ABCA13: variants seen among roughly 807,000 people sequenced by gnomAD.
The protein encoded by ABCA13 is ATP-binding cassette sub-family A member 13.
In ABCA13, 476 loss-of-function variants were observed where a neutral mutation model predicts 478.7. The ratio of observed to expected loss-of-function variants is 0.99; its 90% CI spans 0.92 to 1.07. The LOEUF (loss-of-function observed/expected upper bound fraction) is 1.07, where lower values mean the gene tolerates loss of function less well. Ranked by LOEUF, ABCA13 falls within the 50% of genes least tolerant of loss-of-function variation. The pLI is 0.00. For missense variants in ABCA13, 6,060 were observed against 5,910.6 expected, an observed-to-expected ratio of 1.03 and a Z score of -0.83; for synonymous variants, 2,252 against 2,158.9, an observed-to-expected ratio of 1.04 and a Z score of -1.20.
chr7:48,335,782 C>T lies in ABCA13; in HGVS notation c.10113+247C>T, dbSNP rs560858553. 7.2e-5 allele frequency among the ~76,000 whole-genome samples: 11 copies of T among 152,226 alleles called. 1 individual carries two copies. The South Asian group carries it at 2.3e-3, about 32-fold the overall frequency. On this transcript the variant is annotated intron_variant, in intron 28 of 61. Coordinates refer to ENST00000435803, the MANE Select transcript of ABCA13 (RefSeq NM_152701.5). ...TTAATAGTAACTTTTTCTTTAAATT[C>T]TTTATTAAGCTTAATGCTTTTTAGA...
At chr7:48,382,814 A>G (rs2129045753) in intron 35 of ABCA13, among the ~76,000 whole-genome samples, 1 of 151,626 alleles carries the variant, frequency 6.6e-6, no homozygotes, top group Non-Finnish European at 1.5e-5. Context: ...AAGAAGGCGC[A>G]GTCTCTGCCT....
In ABCA13 at chr7:48,577,894, T is replaced by C. The variant is rs561426759; in HGVS notation, c.14355-2330T>C. 9.2e-5 allele frequency among the ~76,000 whole-genome samples: 14 copies of C among 152,264 alleles called. No individual in the cohort carries two copies. The East Asian group carries it at 9.6e-4, about 10-fold the overall frequency. ...ATATACTATGACAAAGAAGGACTTATTCCAGATAGGCAAGGTTCGTTCAAT... is the reference window on the plus strand; with the variant it reads ...ATATACTATGACAAAGAAGGACTTACTCCAGATAGGCAAGGTTCGTTCAAT... On this transcript the variant is annotated intron_variant, in intron 55 of 61. Coordinates refer to ENST00000435803, the MANE Select transcript of ABCA13 (RefSeq NM_152701.5).
chr7:48,356,373 CT>C (rs1483050534), intron 31 of ABCA13, among the ~76,000 whole-genome samples: 1 of 150,154 alleles, frequency 6.7e-6, no homozygotes, highest in Non-Finnish European at 1.5e-5. Flanking sequence ...TCTTCTTCTT[CT>C]TTTGGAAGAA....
At chr7:48,516,688 C>G in intron 51 of ABCA13, 37 bp from the exon 52 acceptor site, 1 of 1,598,790 alleles carries the variant, frequency 6.3e-7, no homozygotes, top group South Asian at 1.1e-5. Context: ...GTAAATGTTA[C>G]AGTAAAACAA....
chr7:48,251,478 G>C (rs996805735), intron 15 of ABCA13, among the ~76,000 whole-genome samples: 9 of 152,230 alleles, frequency 5.9e-5, no homozygotes, highest in African/African-American at 2.2e-4. Context: ...GGTCTCAAAA[G>C]TATTAAGCAT....
intron 39 of ABCA13, among the ~76,000 whole-genome samples, chr7:48,407,077 A>G (rs1044087245): frequency 6.6e-6 from 1 of 152,104 alleles, no homozygotes; most frequent in Non-Finnish European, 1.5e-5. Flanking sequence ...TGACAAATGA[A>G]AATTGTGTAT....
At chr7:48,599,100 CAGTA>C (rs60113401) in intron 58 of ABCA13, among the ~76,000 whole-genome samples, 78,725 of 151,102 alleles carry the variant, frequency 0.52, 20,655 homozygotes, top group Admixed American at 0.62. Context: ...GTTTTGAAAA[CAGTA>C]AGTGTTATTC....
intron 57 of ABCA13, among the ~76,000 whole-genome samples, chr7:48,593,254 G>A (rs564355979): frequency 1.4e-5 from 2 of 146,692 alleles, no homozygotes; most frequent in East Asian, 4.0e-4. Flanking sequence ...GTGTGTGTGT[G>A]TGTGTGTATG....
chr7:48,298,504 T>C lies in ABCA13; in HGVS notation c.9321+17T>C, dbSNP rs749608514. On this transcript the variant is annotated intron_variant, in intron 23 of 61. Transcript: ENST00000435803. ...CACTCCAAGGTGTGGTGCTGTTTCT[T>C]GTCTGTCTGTTTTGCTCATGGAAGG... 1.9e-6 allele frequency: 3 copies of C among 1,606,294 alleles called. No homozygotes were observed. In the South Asian group the frequency reaches 3.4e-5, roughly 18 times the overall value.
intron 35 of ABCA13, among the ~76,000 whole-genome samples, chr7:48,379,732 G>A (rs1814058104): frequency 6.6e-6 from 1 of 152,114 alleles, no homozygotes. Context: ...TGATTATAAA[G>A]ATGAAAATAA....
At chr7:48,232,729 T>C (rs370871723) in intron 7 of ABCA13, among the ~76,000 whole-genome samples, 1 of 152,210 alleles carries the variant, frequency 6.6e-6, no homozygotes, top group African/African-American at 2.4e-5. Context: ...TTTTATACTT[T>C]TATAAGTATG....
chr7:48,642,062 C>T (rs914642201), intron 59 of ABCA13, among the ~76,000 whole-genome samples: 4 of 152,158 alleles, frequency 2.6e-5, no homozygotes, highest in African/African-American at 9.7e-5. Flanking sequence ...TCCTCACCAA[C>T]CTCTCAGCCA....
chr7:48,551,159 T>C (rs979684718), intron 55 of ABCA13, among the ~76,000 whole-genome samples: 1 of 151,826 alleles, frequency 6.6e-6, no homozygotes, highest in Non-Finnish European at 1.5e-5. Context: ...GTTCATGTCA[T>C]ATATTTCCTT....
chr7:48,532,832 G>A (rs1191860677), intron 55 of ABCA13, among the ~76,000 whole-genome samples: 1 of 151,866 alleles, frequency 6.6e-6, no homozygotes, highest in African/African-American at 2.4e-5. Flanking sequence ...TTTTATTTCT[G>A]TAGTATCAGT....
rs35182542 is a variant in ABCA13, at chr7:48,435,971, G to GT, written c.12565+8114dup. On this transcript the variant is annotated intron_variant, in intron 42 of 61. Coordinates refer to ENST00000435803, the MANE Select transcript of ABCA13 (RefSeq NM_152701.5). The stretch of plus-strand genomic sequence containing the variant: ...TTCATAAGGAATATTAGTTGGTAAG[G>GT]TTTTTTTTTTTTTTGGTAGTTCCTT... 3.2e-3 allele frequency among the ~76,000 whole-genome samples: 441 copies of GT among 138,404 alleles called. 1 individual carries two copies. Among genetic ancestry groups the GT allele is most frequent in the African/African-American group, 6.0e-3 (224 of 37,568 alleles). 90.8% of individuals were successfully genotyped at this position (138,404 alleles called of 152,430 possible).
chr7:48,425,080 T>C (rs1422414178), intron 41 of ABCA13, among the ~76,000 whole-genome samples: 1 of 152,184 alleles, frequency 6.6e-6, no homozygotes, highest in Non-Finnish European at 1.5e-5. Context: ...CGTACCATAA[T>C]TGATTGTATC....
chr7:48,374,627 G>GCC (rs1409766051), intron 34 of ABCA13, among the ~76,000 whole-genome samples: 3 of 152,154 alleles, frequency 2.0e-5, no homozygotes, highest in African/African-American at 7.2e-5. Flanking sequence ...GGCATCCCTT[G>GCC]CTTCAGACAC....
At chr7:48,245,453 G>A in intron 11 of ABCA13, 59 bp from the exon 12 acceptor site, 1 of 1,334,472 alleles carries the variant, frequency 7.5e-7, no homozygotes, top group Non-Finnish European at 1.0e-6. Context: ...TCATGGCCAT[G>A]TATAAAAGTC....
intron 59 of ABCA13, among the ~76,000 whole-genome samples, chr7:48,622,108 TG>T (rs2131596071): frequency 6.6e-6 from 1 of 152,250 alleles, no homozygotes; most frequent in South Asian, 2.1e-4. Context: ...CTATTTCAAC[TG>T]GAGAAATCAT....
Sources: allele counts gnomAD v4.1 joint callset (sites outside exome capture counted in the v4.1 genomes callset), GRCh38; gene constraint gnomAD v4.1.1; transcripts MANE v1.5; gene names NCBI Gene and HGNC (gene_info 2026-07-23, HGNC 2026-07-21).